Variants in AUNIP observed in about 807,000 individuals in gnomAD.
AUNIP encodes the protein aurora kinase A and ninein interacting protein.
AUNIP carries 16 observed loss-of-function variants against 12.2 expected under a neutral mutation model. That is an observed-to-expected ratio of 1.31 (90% confidence interval 0.88 to 1.99). The LOEUF (loss-of-function observed/expected upper bound fraction) is 1.99. Ranked by LOEUF, AUNIP falls within the 30% of genes most tolerant of loss-of-function variation. The pLI, the probability that AUNIP is intolerant of heterozygous loss-of-function variation, is 0.00. For synonymous variants in AUNIP, 142 were observed against 154.8 expected, an observed-to-expected ratio of 0.92 and a Z score of 0.61; for missense variants, 411 against 419.1, an observed-to-expected ratio of 0.98 and a Z score of 0.17.
In AUNIP at chr1:25,834,716, A is replaced by G. The variant is rs2048285394; in HGVS notation, c.*277T>C. On this transcript the variant is annotated 3_prime_UTR_variant, in exon 3 of 3. Transcript: ENST00000374298. Reference sequence around the variant, plus strand: ...TGCAGGCTGAGTAAAAGGCACTTTCATAGAGATAAATACCCACTGTGCTGC... The same window carrying G: ...TGCAGGCTGAGTAAAAGGCACTTTCGTAGAGATAAATACCCACTGTGCTGC... 4 of 1,237,992 alleles carry G rather than the reference A, an allele frequency of 3.2e-6. No homozygotes were observed. Among genetic ancestry groups the G allele is most frequent in the Non-Finnish European group, 4.0e-6 (4 of 987,916 alleles). The allele number at this position is 1,237,992 out of a possible 1,614,324, so 76.7% of individuals were successfully genotyped here.
chr1:25,846,416 CAAAAAAAAAAAAAAA>C (rs57719994), intron 1 of AUNIP, among the ~76,000 whole-genome samples: 2 of 29,832 alleles, frequency 6.7e-5, no homozygotes, highest in Admixed American at 5.3e-4. Context: ...GACTCCATCT[CAAAAAAAAAAAAAAA>C]AAAAAAAAAA....
intron 1 of AUNIP, among the ~76,000 whole-genome samples, chr1:25,841,848 T>C (rs1160333734): frequency 2.0e-5 from 3 of 152,084 alleles, no homozygotes; most frequent in Non-Finnish European, 4.4e-5. Context: ...AATGTTACTA[T>C]TGTAATTGTT....
intron 1 of AUNIP, among the ~76,000 whole-genome samples, chr1:25,852,628 C>A (rs1016979173): frequency 6.6e-6 from 1 of 151,806 alleles, no homozygotes; most frequent in African/African-American, 2.4e-5. Context: ...TTAGTAGAGA[C>A]AGGGTTTCGC....
Position 25,835,100 on chromosome 1 carries a change from T to G in AUNIP, c.967A>C (p.Ser323Arg), listed in dbSNP as rs2048288495. ...TCCTCCTGGCACTGAGCCCAAGGAC[T>G]GTTAGGAAACGGCCCTAAGTCCCAA... ...WNWDLGPFPNSPWAQCQEDGP... is the reference protein window; with the variant it reads ...WNWDLGPFPNRPWAQCQEDGP... The change falls in exon 3 of 3, where the codon AGT becomes CGT. Residue 323 changes from serine (S) to arginine (R), a missense_variant. Physicochemically the swap from Ser to Arg is moderately radical, Grantham distance 110 (BLOSUM62 -1). Transcript: ENST00000374298. 6.2e-7 allele frequency: 1 copy of G among 1,614,252 alleles called. No homozygotes were observed. The highest frequency in any genetic ancestry group is 8.5e-7 in the Non-Finnish European group (1 of 1,180,048).
intron 1 of AUNIP, among the ~76,000 whole-genome samples, chr1:25,857,246 GAT>G (rs2048469012): frequency 7.6e-6 from 1 of 132,286 alleles, no homozygotes; most frequent in South Asian, 2.8e-4. Flanking sequence ...TGCACATTTT[GAT>G]TTTTTTTTTT....
chr1:25,834,598 A>G lies in AUNIP; in HGVS notation c.*395T>C. On this transcript the variant is annotated 3_prime_UTR_variant, in exon 3 of 3. Transcript: ENST00000374298. ...CACCACTGCACTCCAGCCTGGCAACAGAGCGAGACTCCATCTCAAAAAAAA... is the reference window on the plus strand; with the variant it reads ...CACCACTGCACTCCAGCCTGGCAACGGAGCGAGACTCCATCTCAAAAAAAA... 1 of 970,010 alleles carries G rather than the reference A, an allele frequency of 1.0e-6. No individual in the cohort carries two copies. Among genetic ancestry groups the G allele is most frequent in the Non-Finnish European group, 1.2e-6 (1 of 820,786 alleles). 60.1% of individuals were successfully genotyped at this position (970,010 alleles called of 1,614,324 possible).
chr1:25,836,931 G>T (rs2048307231), intron 2 of AUNIP, among the ~76,000 whole-genome samples: 1 of 152,100 alleles, frequency 6.6e-6, no homozygotes, highest in Non-Finnish European at 1.5e-5. Context: ...CCCTGAACAG[G>T]GACCTGGAAG....
At chr1:25,832,195 T>A (rs1167047345), downstream of AUNIP, 3 of 1,534,392 alleles carry the variant, frequency 2.0e-6, no homozygotes, top group South Asian at 3.6e-5. Flanking sequence ...TTTCCCAGAC[T>A]TCAAACCCTA....
rs1470949563 is a variant in AUNIP, at chr1:25,835,146, T to G, written c.921A>C (p.Gln307His). 1 of 1,614,214 alleles carries G rather than the reference T, an allele frequency of 6.2e-7. No homozygotes were observed. Among genetic ancestry groups the G allele is most frequent in the Non-Finnish European group, 8.5e-7 (1 of 1,180,030 alleles). ...CCCAATTCCAGTTATTGGTTACATC[T>G]TGAAAAGGAGCTCTAGTGTTGTGGG... Reference protein sequence around the residue: ...VIAHNTRAPFQDVTNNWNWDL... With the variant: ...VIAHNTRAPFHDVTNNWNWDL... Residue 307 changes from glutamine to histidine, a missense_variant, in exon 3 of 3, where the codon CAA becomes CAC. By Grantham distance (24) the Gln-to-His change is conservative. Coordinates refer to ENST00000374298, the MANE Select transcript of AUNIP (RefSeq NM_024037.3).
At chr1:25,848,381 C>T (rs1378379962) in intron 1 of AUNIP, among the ~76,000 whole-genome samples, 1 of 148,604 alleles carries the variant, frequency 6.7e-6, no homozygotes, top group South Asian at 2.1e-4. Flanking sequence ...ACATGAAAGG[C>T]TGAGGCAGGA....
At chr1:25,832,539 C>G (rs2048260114), downstream of AUNIP, 2 of 214,224 alleles carry the variant, frequency 9.3e-6, no homozygotes, top group Admixed American at 5.1e-5. Context: ...AGCAATCACC[C>G]TCCTCACTTC....
chr1:25,843,172 CAA>C (rs1216108790), intron 1 of AUNIP, among the ~76,000 whole-genome samples: 3,899 of 134,752 alleles, frequency 0.029, 213 homozygotes, highest in African/African-American at 0.1. Flanking sequence ...GACCCCATCT[CAA>C]AAAAAAAAAA....
chr1:25,836,453 T>C (rs115847072), intron 2 of AUNIP, among the ~76,000 whole-genome samples: 1 of 152,188 alleles, frequency 6.6e-6, no homozygotes, highest in East Asian at 1.9e-4. Flanking sequence ...GTGAAACAAC[T>C]ACTAGTGTCC....
In AUNIP at chr1:25,859,316, C is replaced by T. The variant is rs2048487737; in HGVS notation, c.42G>A (p.Trp14Ter). 6.4e-7 allele frequency: 1 copy of T among 1,573,914 alleles called. No homozygotes were observed. The highest frequency in any genetic ancestry group is 8.6e-7 in the Non-Finnish European group (1 of 1,162,050). Residue 14 changes from tryptophan (W) to a stop codon, truncating the protein, a stop_gained, in exon 1 of 3, where the codon TGG becomes TGA. Coordinates refer to ENST00000374298, the MANE Select transcript of AUNIP (RefSeq NM_024037.3). LOFTEE classifies it high-confidence loss of function. ...TGPEEEACGV[W>*]LDAAALKRRK... is the part of the protein sequence containing the mutation. ...GCCTCTTCAGCGCCGCCGCGTCCAGCCACACGCCGCAGGCCTCCTCCTCGG... is the reference window on the plus strand; with the variant it reads ...GCCTCTTCAGCGCCGCCGCGTCCAGTCACACGCCGCAGGCCTCCTCCTCGG...
intron 1 of AUNIP, among the ~76,000 whole-genome samples, chr1:25,854,861 G>C (rs1336028346): frequency 6.6e-6 from 1 of 152,102 alleles, no homozygotes. Context: ...AGAGCTGCTT[G>C]AGTGTCCTCA....
chr1:25,856,274 G>C (rs1018123492), intron 1 of AUNIP, among the ~76,000 whole-genome samples: 7 of 151,562 alleles, frequency 4.6e-5, no homozygotes, highest in African/African-American at 1.7e-4. Context: ...CTGAGGCAGA[G>C]AATCGCTTGA....
intron 1 of AUNIP, among the ~76,000 whole-genome samples, chr1:25,846,553 G>C (rs2048385093): frequency 6.6e-6 from 1 of 151,534 alleles, no homozygotes; most frequent in South Asian, 2.1e-4. Flanking sequence ...GTGAAACCCT[G>C]TCTCTACTAA....
chr1:25,845,727 T>C (rs2048378910), intron 1 of AUNIP, among the ~76,000 whole-genome samples: 1 of 152,238 alleles, frequency 6.6e-6, no homozygotes. Context: ...GGAAGGTAGA[T>C]ATGCAGGAAG....
intron 1 of AUNIP, among the ~76,000 whole-genome samples, chr1:25,855,793 G>T (rs1339879048): frequency 6.6e-6 from 1 of 152,176 alleles, no homozygotes; most frequent in African/African-American, 2.4e-5. Flanking sequence ...GAGGCACCTT[G>T]TGAAAGGGAA....
Sources: gnomAD v4.1 joint callset for allele counts (sites outside exome capture counted in the v4.1 genomes callset) on GRCh38, gnomAD v4.1.1 for gene constraint, MANE v1.5 for transcripts, NCBI Gene and HGNC (gene_info 2026-07-23, HGNC 2026-07-21) for gene names.